Variants in TIMP4 observed in about 807,000 individuals in gnomAD.
TIMP4 encodes the protein TIMP metallopeptidase inhibitor 4.
A neutral mutation model predicts 27.3 loss-of-function variants in TIMP4; 28 were observed. The ratio of observed to expected loss-of-function variants is 1.03; its 90% CI spans 0.76 to 1.41. The LOEUF (loss-of-function observed/expected upper bound fraction) is 1.41. Ranked by LOEUF, TIMP4 falls within the 40% of genes most tolerant of loss-of-function variation. The pLI is 0.00. For synonymous variants in TIMP4, 138 were observed against 115.5 expected, an observed-to-expected ratio of 1.20 and a Z score of -1.25; for missense variants, 307 against 285.5, an observed-to-expected ratio of 1.08 and a Z score of -0.54.
Position 12,156,810 on chromosome 3 carries a change from TTTAAC to T in TIMP4, c.352+5_352+9del. 1 of 1,610,050 alleles carries T rather than the reference TTTAAC, an allele frequency of 6.2e-7. No homozygotes were observed. Among genetic ancestry groups the T allele is most frequent in the Non-Finnish European group, 8.5e-7 (1 of 1,176,248 alleles). On this transcript the variant is annotated splice_donor_5th_base_variant and intron_variant, in intron 3 of 4. Transcript: ENST00000287814. Reference sequence around the variant, plus strand: ...TTATATTAAGGCCAGTTGTTGGTCTTTTAACTTACCAGTCAAGAGATACTGCTTCT... The same window carrying T: ...TTATATTAAGGCCAGTTGTTGGTCTTTTACCAGTCAAGAGATACTGCTTCT...
intron 1 of TIMP4, among the ~76,000 whole-genome samples, chr3:12,158,223 A>C (rs1271663814): frequency 6.6e-6 from 1 of 152,176 alleles, no homozygotes; most frequent in Admixed American, 6.5e-5. Flanking sequence ...GGAGTCTGCC[A>C]GGAATTTAAG....
chr3:12,158,706 TGC>T lies in TIMP4; in HGVS notation c.133_134del (p.Ala45ThrfsTer10). 6.2e-7 allele frequency: 1 copy of T among 1,610,388 alleles called. No individual in the cohort carries two copies. The highest frequency in any genetic ancestry group is 1.1e-5 in the South Asian group (1 of 91,060). On this transcript the variant is annotated frameshift_variant, in exon 1 of 5. Transcript: ENST00000287814. LOFTEE classifies it high-confidence loss of function. ...AHPQQHICHSALVIRAKISSE... is the reference protein window; with the variant it reads ...AHPQQHICHSXLVIRAKISSE... Reference sequence around the variant, plus strand: ...CCTCGCGGACCTCGGACTCACCAAGTGCCGAGTGGCAGATGTGCTGCTGAGGG... The same window carrying T: ...CCTCGCGGACCTCGGACTCACCAAGTCGAGTGGCAGATGTGCTGCTGAGGG...
Position 12,153,131 on chromosome 3 carries a change from T to C in TIMP4, c.*384A>G. 1 of 296,852 alleles carries C rather than the reference T, an allele frequency of 3.4e-6. No homozygotes were observed. 18.4% of individuals were successfully genotyped at this position (296,852 alleles called of 1,614,324 possible). On this transcript the variant is annotated 3_prime_UTR_variant, in exon 5 of 5. Transcript: ENST00000287814. ...GCTGTCAAACCACCTTCTGATACTGTACATCGCAAGGATATACCATCTCAT... is the reference window on the plus strand; with the variant it reads ...GCTGTCAAACCACCTTCTGATACTGCACATCGCAAGGATATACCATCTCAT...
chr3:12,157,079 T>C (rs1193018783), intron 2 of TIMP4, 145 bp from the exon 3 acceptor site: 4 of 644,494 alleles, frequency 6.2e-6, no homozygotes, highest in Non-Finnish European at 1.1e-5. Context: ...CCCTACTGGG[T>C]TATTTTCTCT....
In TIMP4 at chr3:12,154,260, A is replaced by G. The variant is rs1697387957; in HGVS notation, c.477+67T>C. ...TATAGTCTAGTAAGTGAATAAATTCATGCATGAATGAAGGCTCAGAACCCT... is the reference window on the plus strand; with the variant it reads ...TATAGTCTAGTAAGTGAATAAATTCGTGCATGAATGAAGGCTCAGAACCCT... On this transcript the variant is annotated intron_variant, in intron 4 of 4. Coordinates refer to ENST00000287814, the MANE Select transcript of TIMP4 (RefSeq NM_003256.4). 2.5e-6 allele frequency: 4 copies of G among 1,604,990 alleles called. No individual in the cohort carries two copies. The South Asian group carries it at 3.3e-5, about 13-fold the overall frequency.
chr3:12,158,708 C>T lies in TIMP4; in HGVS notation c.133G>A (p.Ala45Thr), dbSNP rs1486134524. 5.6e-6 allele frequency: 9 copies of T among 1,610,340 alleles called. No individual in the cohort carries two copies. The highest frequency in any genetic ancestry group is 7.6e-6 in the Non-Finnish European group (9 of 1,179,712). The change falls in exon 1 of 5, where the codon GCA becomes ACA. Residue 45 changes from alanine (A) to threonine (T), a missense_variant. Ala to Thr is a moderately conservative substitution (Grantham distance 58). Transcript: ENST00000287814. ...AHPQQHICHS[A>T]LVIRAKISSE... ...TCGCGGACCTCGGACTCACCAAGTG[C>T]CGAGTGGCAGATGTGCTGCTGAGGG...
At chr3:12,156,788 T>C (rs1177342120) in intron 3 of TIMP4, 32 bp downstream of exon 3, 1 of 1,564,418 alleles carries the variant, frequency 6.4e-7, no homozygotes, top group South Asian at 1.1e-5. Context: ...GAATCTATTA[T>C]ATTAAGGCCA....
At chr3:12,156,273 A>G (rs1037143105) in intron 3 of TIMP4, among the ~76,000 whole-genome samples, 1 of 152,214 alleles carries the variant, frequency 6.6e-6, no homozygotes, top group Admixed American at 6.5e-5. Flanking sequence ...CAACTACCAA[A>G]TAGTTCCGTT....
chr3:12,156,869 G>A lies in TIMP4; in HGVS notation c.303C>T (p.Leu101=). The A allele has an allele frequency of 6.2e-7, 1 of 1,614,204 alleles. No individual in the cohort carries two copies. ...QYIYTPFDSS[L]CGVKLEANSQ... ...TGTTGGCTTCTAGTTTCACACCACA[G>A]AGGGAAGAGTCAAAAGGCGTATAGA... The change falls in exon 3 of 5, where the codon CTC becomes CTT. Residue 101 remains leucine, a synonymous_variant. Coordinates refer to ENST00000287814, the MANE Select transcript of TIMP4 (RefSeq NM_003256.4).
chr3:12,155,611 C>G (rs140050079), intron 3 of TIMP4, among the ~76,000 whole-genome samples: 205 of 152,320 alleles, frequency 1.3e-3, no homozygotes, highest in African/African-American at 4.8e-3. Flanking sequence ...CAGCAGTGTT[C>G]TGGTCACAAA....
intron 4 of TIMP4, among the ~76,000 whole-genome samples, chr3:12,153,975 C>T (rs372122443): frequency 6.6e-6 from 1 of 152,170 alleles, no homozygotes; most frequent in Non-Finnish European, 1.5e-5. Flanking sequence ...CTTGCCAGAG[C>T]TTTCATTTCT....
intron 1 of TIMP4, 134 bp from the exon 2 acceptor site, chr3:12,157,616 G>A (rs1043479902): frequency 1.1e-5 from 8 of 756,554 alleles, no homozygotes; most frequent in African/African-American, 1.7e-5. Context: ...TGTGAGCAAC[G>A]TGATGTGTGA....
Position 12,158,744 on chromosome 3 carries a change from C to A in TIMP4, c.97G>T (p.Ala33Ser). ...ATGTGCTGCTGAGGGTGCGCCGGGG[C>A]GCAGCTGCATGCCTCACCCAGCCCC... ...PPGLGEACSCAPAHPQQHICH... is the reference protein window; with the variant it reads ...PPGLGEACSCSPAHPQQHICH... Residue 33 changes from alanine (A) to serine (S), a missense_variant, in exon 1 of 5, where the codon GCC becomes TCC. Transcript: ENST00000287814. 6.2e-7 allele frequency: 1 copy of A among 1,609,002 alleles called. No individual in the cohort carries two copies. Among genetic ancestry groups the A allele is most frequent in the Non-Finnish European group, 8.5e-7 (1 of 1,179,654 alleles).
At chr3:12,154,245 T>TCTA in intron 4 of TIMP4, 82 bp downstream of exon 4, 1 of 1,587,716 alleles carries the variant, frequency 6.3e-7, no homozygotes, top group South Asian at 1.1e-5. Flanking sequence ...TATAGTCTAG[T>TCTA]AAGTGAATAA....
chr3:12,156,042 G>A (rs751934924), intron 3 of TIMP4, among the ~76,000 whole-genome samples: 7 of 152,170 alleles, frequency 4.6e-5, no homozygotes, highest in Non-Finnish European at 7.3e-5. Context: ...CTCTTTTAAG[G>A]ACTGTGCCTT....
chr3:12,158,668 C>A (rs1262398373), intron 1 of TIMP4, 34 bp downstream of exon 1: 1 of 1,607,466 alleles, frequency 6.2e-7, no homozygotes, highest in Non-Finnish European at 8.5e-7. Context: ...CCACAACCAC[C>A]CCCTGCTGTG....
rs1697360020 is a variant in TIMP4 at position 12,153,365 on chromosome 3, C to T, written c.*150G>A. ...CAGGGCAGAAAAGTCATGGCCCCTT[C>T]CCTGCCTTGACAGTGGCCAGACTGT... On this transcript the variant is annotated 3_prime_UTR_variant, in exon 5 of 5. Coordinates refer to ENST00000287814, the MANE Select transcript of TIMP4 (RefSeq NM_003256.4). The T allele has an allele frequency of 1.1e-6, 1 of 904,872 alleles. No individual in the cohort carries two copies. Among genetic ancestry groups the T allele is most frequent in the South Asian group, 1.5e-5 (1 of 65,446 alleles). The allele number at this position is 904,872 out of a possible 1,614,324, so 56.1% of individuals were successfully genotyped here. A position where few individuals can be genotyped will look rare whatever the true frequency, so the allele number is the denominator to read the frequency against.
intron 3 of TIMP4, among the ~76,000 whole-genome samples, chr3:12,154,993 A>G (rs1167691580): frequency 2.3e-5 from 1 of 44,202 alleles, no homozygotes; most frequent in Non-Finnish European, 5.9e-5. Context: ...CCCATAGGAA[A>G]TTTCCCCCTT....
chr3:12,153,812 G>T, intron 4 of TIMP4, 100 bp from the exon 5 acceptor site: 2 of 1,283,258 alleles, frequency 1.6e-6, no homozygotes, highest in Non-Finnish European at 2.2e-6. Context: ...CATCTCAAAT[G>T]CCCCCTATCT....
Sources: gnomAD v4.1 joint callset for allele counts (sites outside exome capture counted in the v4.1 genomes callset) on GRCh38, gnomAD v4.1.1 for gene constraint, MANE v1.5 for transcripts, NCBI Gene and HGNC (gene_info 2026-07-23, HGNC 2026-07-21) for gene names.